Variants in SRP68 observed in about 807,000 individuals in gnomAD.
SRP68 encodes signal recognition particle 68, also known as signal recognition particle subunit SRP68.
SRP68 carries 15 observed loss-of-function variants against 82.2 expected under a neutral mutation model. The observed-to-expected ratio is 0.18, with a 90% CI of 0.12 to 0.28. The LOEUF (loss-of-function observed/expected upper bound fraction) is 0.28, where lower values mean the gene tolerates loss of function less well. Among genes scored for constraint, SRP68 ranks in the 10% least tolerant of loss-of-function variants. SRP68 has a pLI of 1.00. For missense variants in SRP68, 595 were observed against 780.5 expected (o/e 0.76, Z 2.83); for synonymous variants, 261 against 292.6 (o/e 0.89, Z 1.10).
At chr17:76,065,977 G>T (rs1194094304) in intron 3 of SRP68, among the ~76,000 whole-genome samples, 1 of 151,506 alleles carries the variant, frequency 6.6e-6, no homozygotes, top group Non-Finnish European at 1.5e-5. Context: ...TATGTGAATG[G>T]GCGTGGCTGG....
At position 76,046,087 on chromosome 17, in the gene SRP68, C is replaced by T. The variant is rs377369805; in HGVS notation, c.1250G>A (p.Arg417His). 1.8e-5 allele frequency: 29 copies of T among 1,613,752 alleles called. No homozygotes were observed. Among genetic ancestry groups the T allele is most frequent in the Admixed American group, 8.3e-5 (5 of 59,980 alleles). ...LQQQPEDDSK[R>H]SPRPQDLIRL... The stretch of plus-strand genomic sequence containing the variant: ...GATCAGGTCCTGGGGCCGGGGTGAG[C>T]GCTTGCTGTCATCCTCTGGCTGCTG... The change falls in exon 11 of 16, where the codon CGC (arginine) becomes CAC (histidine). Residue 417 changes from arginine to histidine, a missense_variant. Physicochemically the swap from Arg to His is conservative, Grantham distance 29 (BLOSUM62 0). Coordinates refer to ENST00000307877, the MANE Select transcript of SRP68 (RefSeq NM_014230.4).
Position 76,067,333 on chromosome 17 carries a change from G to A in SRP68, c.252-3C>T, listed in dbSNP as rs368257009. On this transcript the variant is annotated splice_region_variant and splice_polypyrimidine_tract_variant and intron_variant, in intron 2 of 15. Coordinates refer to ENST00000307877, the MANE Select transcript of SRP68 (RefSeq NM_014230.4). ...TTTGTCTACGGGAACAGTAGCCCCTGTAAGAAACCACAAACAAAACTCACT... is the reference window on the plus strand; with the variant it reads ...TTTGTCTACGGGAACAGTAGCCCCTATAAGAAACCACAAACAAAACTCACT... 3.6e-5 allele frequency: 58 copies of A among 1,606,378 alleles called. No individual in the cohort carries two copies. The highest frequency in any genetic ancestry group is 4.9e-5 in the Non-Finnish European group (58 of 1,175,692).
intron 14 of SRP68, 108 bp from the exon 15 acceptor site, chr17:76,040,582 C>A: frequency 9.1e-7 from 1 of 1,104,770 alleles, no homozygotes; most frequent in Non-Finnish European, 1.4e-6. Context: ...GCAAAAGGAG[C>A]CAGCATGTGG....
In SRP68 at chr17:76,043,935, T is replaced by C. The variant is rs1278300460; in HGVS notation, c.1418A>G (p.Tyr473Cys). The change falls in exon 13 of 16, where the codon TAT becomes TGT. Residue 473 changes from tyrosine to cysteine, a missense_variant. This residue lies in a region of SRP68 where 495 missense variants were observed against 688.6 expected (regional missense o/e 0.72). Coordinates refer to ENST00000307877, the MANE Select transcript of SRP68 (RefSeq NM_014230.4). ...AYRCFFIAQS[Y>C]VLVKKWSEAL... ...TTCGCTCCACTTCTTCACCAGCACA[T>C]AGGACTGAGCAATGAAAAAACACCT... is the stretch of plus-strand genomic sequence containing the variant. The C allele has an allele frequency of 1.2e-6, 2 of 1,608,432 alleles. No individual in the cohort carries two copies. Among genetic ancestry groups the C allele is most frequent in the East Asian group, 2.2e-5 (1 of 44,562 alleles).
chr17:76,042,526 A>T (rs1221705293), intron 13 of SRP68, among the ~76,000 whole-genome samples: 1 of 134,758 alleles, frequency 7.4e-6, no homozygotes, highest in African/African-American at 3.0e-5. Flanking sequence ...GGAGACAGAG[A>T]CTCCATCTTA....
chr17:76,067,023 T>C (rs2066812224), intron 3 of SRP68, among the ~76,000 whole-genome samples, 194 bp downstream of exon 3: 1 of 152,132 alleles, frequency 6.6e-6, no homozygotes, highest in Non-Finnish European at 1.5e-5. Flanking sequence ...CCACTGCACC[T>C]GGCCCCAACA....
chr17:76,046,110 C>T lies in SRP68; in HGVS notation c.1227G>A (p.Gln409=). The T allele has an allele frequency of 1.2e-6, 2 of 1,613,960 alleles. No homozygotes were observed. Among genetic ancestry groups the T allele is most frequent in the Non-Finnish European group, 1.7e-6 (2 of 1,179,864 alleles). Residue 409 remains glutamine, a synonymous_variant, in exon 11 of 16, where the codon CAG becomes CAA. Coordinates refer to ENST00000307877, the MANE Select transcript of SRP68 (RefSeq NM_014230.4). ...AGCGCTTGCTGTCATCCTCTGGCTG[C>T]TGCTGCAGCAGAGCCCTCTGCAGAC... The part of the protein sequence containing the change: ...AKGLQRALLQ[Q]QPEDDSKRSP...
At chr17:76,068,050 G>A (rs1338929949) in intron 2 of SRP68, among the ~76,000 whole-genome samples, 1 of 152,122 alleles carries the variant, frequency 6.6e-6, no homozygotes, top group Non-Finnish European at 1.5e-5. Context: ...CCAGCACTTT[G>A]GGAGGCCGAG....
intron 2 of SRP68, among the ~76,000 whole-genome samples, chr17:76,068,293 GAA>G (rs201544661): frequency 1.4e-5 from 2 of 139,752 alleles, no homozygotes. Flanking sequence ...ACTCCGTCTC[GAA>G]AAAAAAAAAA....
intron 8 of SRP68, chr17:76,053,735 G>T: frequency 1.3e-6 from 1 of 779,794 alleles, no homozygotes. Flanking sequence ...ACTAATCTCT[G>T]AAGGAGAAGC....
chr17:76,057,507 T>C lies in SRP68; in HGVS notation c.874A>G (p.Thr292Ala). Reference protein sequence around the residue: ...ITQTRAKQAATMSEVEWRGRT... With the variant: ...ITQTRAKQAAAMSEVEWRGRT... ...CCTCTCCACTCCACTTCACTCATGG[T>C]AGCTGCCTGTTTGGCTCGAGTCTGA... The change falls in exon 8 of 16, where the codon ACC becomes GCC. Residue 292 changes from threonine to alanine, a missense_variant. By Grantham distance (58) the Thr-to-Ala change is moderately conservative. Around this residue, in one of 2 missense-constraint regions of SRP68, gnomAD observed 495 missense variants for 688.6 expected, o/e 0.72. Transcript: ENST00000307877. The C allele has an allele frequency of 6.2e-7, 1 of 1,614,206 alleles. No individual in the cohort carries two copies. The highest frequency in any genetic ancestry group is 8.5e-7 in the Non-Finnish European group (1 of 1,180,038).
rs1048005241 is a variant in SRP68 at position 76,039,128 on chromosome 17, T to C, written c.*578A>G. The C allele has an allele frequency of 9.3e-6, 3 of 321,770 alleles. 1 individual carries two copies. Among genetic ancestry groups the C allele is most frequent in the South Asian group, 5.3e-5 (2 of 37,920 alleles). 19.9% of individuals were successfully genotyped at this position (321,770 alleles called of 1,614,324 possible). Reference sequence around the variant, plus strand: ...TCTCCGTCATCTTTGCCTTTTAATATAAGATTTGGTTTCATCATTTCTGAG... The same window carrying C: ...TCTCCGTCATCTTTGCCTTTTAATACAAGATTTGGTTTCATCATTTCTGAG... On this transcript the variant is annotated 3_prime_UTR_variant, in exon 16 of 16. Coordinates refer to ENST00000307877, the MANE Select transcript of SRP68 (RefSeq NM_014230.4).
intron 8 of SRP68, among the ~76,000 whole-genome samples, chr17:76,052,620 C>T (rs368813211): frequency 6.6e-6 from 1 of 151,560 alleles, no homozygotes; most frequent in African/African-American, 2.4e-5. Context: ...CTGGCTAACA[C>T]GATGAAACCC....
intron 8 of SRP68, chr17:76,053,751 T>C: frequency 1.5e-6 from 1 of 656,908 alleles, no homozygotes; most frequent in Non-Finnish European, 1.9e-6. Flanking sequence ...GAAGCTCTCA[T>C]GATTCTCCCT....
intron 2 of SRP68, among the ~76,000 whole-genome samples, chr17:76,069,479 C>T (rs899142851): frequency 6.6e-6 from 1 of 152,068 alleles, no homozygotes; most frequent in African/African-American, 2.4e-5. Flanking sequence ...CTTTGGGAGG[C>T]TGAGGCAGGT....
Position 76,072,145 on chromosome 17 carries a change from C to G in SRP68, c.184+163G>C. The G allele has an allele frequency of 1.5e-6, 2 of 1,349,644 alleles. No individual in the cohort carries two copies. Among genetic ancestry groups the G allele is most frequent in the Non-Finnish European group, 2.0e-6 (2 of 1,006,076 alleles). The allele number at this position is 1,349,644 out of a possible 1,614,324, so 83.6% of individuals were successfully genotyped here. ...ACACGAGGAAAGACTAGTCGAGAGA[C>G]AGACCCCCCCCGGAATTCTGAGCAC... On this transcript the variant is annotated intron_variant, in intron 1 of 15. Coordinates refer to ENST00000307877, the MANE Select transcript of SRP68 (RefSeq NM_014230.4). The surrounding 1 kb of genome is among the most constrained non-coding windows in gnomAD (Gnocchi z 4.5).
intron 3 of SRP68, among the ~76,000 whole-genome samples, chr17:76,065,925 A>T (rs1461148075): frequency 1.3e-5 from 2 of 151,444 alleles, no homozygotes; most frequent in Non-Finnish European, 2.9e-5. Context: ...GTGTGTCACA[A>T]CTACTCTGCT....
At chr17:76,066,018 T>G (rs2066803493) in intron 3 of SRP68, among the ~76,000 whole-genome samples, 1 of 151,918 alleles carries the variant, frequency 6.6e-6, no homozygotes, top group African/African-American at 2.4e-5. Context: ...ACACAAAAGG[T>G]GGCAGCAGCG....
intron 12 of SRP68, 32 bp downstream of exon 12, chr17:76,045,260 G>A (rs752504512): frequency 1.2e-5 from 19 of 1,555,514 alleles, no homozygotes; most frequent in Admixed American, 3.4e-5. Context: ...CCTGGGAGGC[G>A]GAGGAAAACT....
Sources: gnomAD v4.1 joint callset for allele counts (sites outside exome capture counted in the v4.1 genomes callset) on GRCh38, gnomAD v4.1.1 for gene constraint, gnomAD v4.1.1 regional missense constraint, Gnocchi (gnomAD v3.1) non-coding constraint, MANE v1.5 for transcripts, NCBI Gene and HGNC (gene_info 2026-07-23, HGNC 2026-07-21) for gene names.